GLIS3: variants seen among roughly 807,000 people sequenced by gnomAD.
The protein encoded by GLIS3 is GLIS family zinc finger 3, also known as zinc finger protein GLIS3.
Under a neutral mutation model 78.6 loss-of-function variants are expected in GLIS3, and 53 were observed. The observed-to-expected ratio is 0.67, with a 90% CI of 0.54 to 0.85. The LOEUF is 0.85. GLIS3 is among the 40% of genes least tolerant of loss of function. GLIS3 has a pLI of 0.00. For synonymous variants in GLIS3, 684 were observed against 509.9 expected, an observed-to-expected ratio of 1.34 and a Z score of -4.60; for missense variants, 1,703 against 1,231.1, an observed-to-expected ratio of 1.38 and a Z score of -5.74.
chr9:4,328,839 A>G (rs907763832), intron 2 of GLIS3, among the ~76,000 whole-genome samples: 1 of 152,228 alleles, frequency 6.6e-6, no homozygotes, highest in Non-Finnish European at 1.5e-5. Flanking sequence ...CCGGCACGTG[A>G]CAAGCATCCA....
chr9:4,325,569 A>G (rs1407969602), intron 2 of GLIS3, among the ~76,000 whole-genome samples: 1 of 152,048 alleles, frequency 6.6e-6, no homozygotes, highest in African/African-American at 2.4e-5. Flanking sequence ...AAATATCCAC[A>G]TTTCTACTAA....
At chr9:4,204,514 G>A (rs770353588) in intron 2 of GLIS3, among the ~76,000 whole-genome samples, 1 of 152,136 alleles carries the variant, frequency 6.6e-6, no homozygotes, top group Non-Finnish European at 1.5e-5. Flanking sequence ...AGCAGAGTAA[G>A]AGGAGCCCAC....
At chr9:4,427,772 T>C in the GLIS3 span, among the ~76,000 whole-genome samples, 2 of 151,764 alleles carry the variant, frequency 1.3e-5, no homozygotes, top group East Asian at 1.9e-4. Context: ...GGCACAAGAA[T>C]CGCTTGAATC....
At chr9:4,081,684 T>C (rs1828562833) in intron 4 of GLIS3, among the ~76,000 whole-genome samples, 1 of 152,116 alleles carries the variant, frequency 6.6e-6, no homozygotes, top group Admixed American at 6.5e-5. Context: ...CTAATACATT[T>C]CCCCAACTAG....
At chr9:3,906,212 G>A (rs138794565) in intron 6 of GLIS3, among the ~76,000 whole-genome samples, 1 of 152,316 alleles carries the variant, frequency 6.6e-6, no homozygotes, top group African/African-American at 2.4e-5. Flanking sequence ...CACTGGAAGT[G>A]TGTAAGCAGG....
intron 4 of GLIS3, among the ~76,000 whole-genome samples, chr9:3,970,861 A>G (rs749214812): frequency 2.0e-5 from 3 of 152,164 alleles, no homozygotes; most frequent in Non-Finnish European, 4.4e-5. Flanking sequence ...AGTTCAAAGC[A>G]GGTTCAGAGG....
At chr9:4,242,458 C>T (rs1262667185) in intron 2 of GLIS3, among the ~76,000 whole-genome samples, 1 of 152,172 alleles carries the variant, frequency 6.6e-6, no homozygotes, top group Non-Finnish European at 1.5e-5. Flanking sequence ...AAACCAACCA[C>T]AGTGGCATTC....
intron 7 of GLIS3, among the ~76,000 whole-genome samples, chr9:3,888,439 C>G (rs887586453): frequency 1.3e-5 from 2 of 152,172 alleles, no homozygotes; most frequent in Non-Finnish European, 2.9e-5. Flanking sequence ...TTAGCATAGA[C>G]AGCCAATCTG....
At chr9:4,475,698 C>G in the GLIS3 span, among the ~76,000 whole-genome samples, 266 of 152,194 alleles carry the variant, frequency 1.7e-3, 1 homozygote, top group African/African-American at 6.2e-3. Flanking sequence ...AAAGGAGGCA[C>G]AGAACAGGGC....
intron 9 of GLIS3, among the ~76,000 whole-genome samples, chr9:3,853,972 C>T (rs1489942363): frequency 1.3e-5 from 2 of 152,154 alleles, no homozygotes; most frequent in Non-Finnish European, 2.9e-5. Context: ...AAATCACTGC[C>T]AATTATATGA....
At chr9:4,395,033 G>C in the GLIS3 span, among the ~76,000 whole-genome samples, 1 of 152,130 alleles carries the variant, frequency 6.6e-6, no homozygotes, top group African/African-American at 2.4e-5. Context: ...CACGAATCTA[G>C]AGTATCTATA....
chr9:4,294,860 C>G (rs1816342084), intron 1 of GLIS3, among the ~76,000 whole-genome samples: 1 of 152,142 alleles, frequency 6.6e-6, no homozygotes, highest in Non-Finnish European at 1.5e-5. Flanking sequence ...ATTGTTCATT[C>G]TGTACTGCTC....
the GLIS3 span, among the ~76,000 whole-genome samples, chr9:4,374,433 G>A: frequency 6.6e-6 from 1 of 152,202 alleles, no homozygotes; most frequent in African/African-American, 2.4e-5. Flanking sequence ...CCAATATTGG[G>A]TCTAATATGG....
chr9:4,108,422 G>T (rs1456054013), intron 4 of GLIS3, among the ~76,000 whole-genome samples: 6 of 152,158 alleles, frequency 3.9e-5, no homozygotes, highest in African/African-American at 1.4e-4. Context: ...GAGGGAAGAA[G>T]GTAGTAGGGG....
At chr9:4,429,971 G>A in the GLIS3 span, among the ~76,000 whole-genome samples, 1 of 152,170 alleles carries the variant, frequency 6.6e-6, no homozygotes, top group Non-Finnish European at 1.5e-5. Flanking sequence ...GTCACATAAT[G>A]GTAGATCTAA....
chr9:4,273,467 C>T (rs1826702463), intron 2 of GLIS3, among the ~76,000 whole-genome samples: 1 of 152,062 alleles, frequency 6.6e-6, no homozygotes, highest in Non-Finnish European at 1.5e-5. Context: ...GTAGCTAATG[C>T]CTGTGGTCCC....
chr9:4,406,140 A>C, the GLIS3 span, among the ~76,000 whole-genome samples: 1 of 152,278 alleles, frequency 6.6e-6, no homozygotes, highest in African/African-American at 2.4e-5. Context: ...AAAAACTGAA[A>C]GCCTTTCTTC....
At chr9:4,099,373 G>A (rs1412576526) in intron 4 of GLIS3, among the ~76,000 whole-genome samples, 1 of 152,182 alleles carries the variant, frequency 6.6e-6, no homozygotes. Context: ...TTGGCTTGCA[G>A]ATGCGTCACT....
the GLIS3 span, among the ~76,000 whole-genome samples, chr9:4,478,017 T>C: frequency 1.2e-4 from 18 of 152,184 alleles, no homozygotes; most frequent in Admixed American, 7.2e-4. Context: ...TTACCAAGAC[T>C]GTAGCTCCTG....
Sources: gnomAD v4.1 joint callset for allele counts (sites outside exome capture counted in the v4.1 genomes callset) on GRCh38, gnomAD v4.1.1 for gene constraint, MANE v1.5 for transcripts, NCBI Gene and HGNC (gene_info 2026-07-23, HGNC 2026-07-21) for gene names.